Variants in LRP1B observed in about 807,000 individuals in gnomAD.
The protein encoded by LRP1B is low-density lipoprotein receptor-related protein 1B.
In LRP1B, 217 loss-of-function variants were observed where a neutral mutation model predicts 556.6. That is an observed-to-expected ratio of 0.39 (90% CI 0.35 to 0.44). The LOEUF (loss-of-function observed/expected upper bound fraction) is 0.44. Among genes scored for constraint, LRP1B ranks in the 20% least tolerant of loss-of-function variants. LRP1B has a pLI of 1.00. For missense variants in LRP1B, 5,053 were observed against 5,620.8 expected (o/e 0.90, Z 3.23); for synonymous variants, 2,047 against 1,865.8 (o/e 1.10, Z -2.50).
At chr2:141,256,749 T>C (rs1298554173) in intron 3 of LRP1B, among the ~76,000 whole-genome samples, 1 of 152,058 alleles carries the variant, frequency 6.6e-6, no homozygotes, top group East Asian at 1.9e-4. Context: ...TTGATTATGT[T>C]TAGCTTAAAA....
chr2:141,428,956 A>T (rs2104979992), intron 3 of LRP1B, among the ~76,000 whole-genome samples: 1 of 152,226 alleles, frequency 6.6e-6, no homozygotes, highest in Admixed American at 6.5e-5. Context: ...TTACTGATTC[A>T]TTTCCTAAAC....
chr2:141,712,236 A>G (rs1187629898), intron 2 of LRP1B, among the ~76,000 whole-genome samples: 1 of 152,196 alleles, frequency 6.6e-6, no homozygotes. Flanking sequence ...AGAAAAATTT[A>G]TGATCATTGG....
At chr2:141,145,401 A>G (rs1324680592) in intron 7 of LRP1B, among the ~76,000 whole-genome samples, 5 of 139,814 alleles carry the variant, frequency 3.6e-5, no homozygotes, top group Non-Finnish European at 6.1e-5. Flanking sequence ...ATTCGTATAG[A>G]TTACATTGCA....
At chr2:141,212,915 T>C (rs549396221) in intron 6 of LRP1B, among the ~76,000 whole-genome samples, 1 of 152,320 alleles carries the variant, frequency 6.6e-6, no homozygotes, top group South Asian at 2.1e-4. Context: ...TGCTATGGCA[T>C]ATTTCTGGTC....
intron 6 of LRP1B, among the ~76,000 whole-genome samples, chr2:141,194,673 T>C (rs1681672210): frequency 6.6e-6 from 1 of 152,104 alleles, no homozygotes; most frequent in Non-Finnish European, 1.5e-5. Context: ...GAAAACACTG[T>C]ATATCATTCG....
intron 1 of LRP1B, among the ~76,000 whole-genome samples, chr2:142,014,182 TAA>T (rs1559022171): frequency 9.9e-5 from 15 of 151,930 alleles, no homozygotes; most frequent in African/African-American, 3.4e-4. Context: ...TTCGCTTTCT[TAA>T]TAAACTTGTT....
intron 6 of LRP1B, among the ~76,000 whole-genome samples, chr2:141,203,448 A>C (rs571550602): frequency 6.6e-6 from 1 of 152,178 alleles, no homozygotes; most frequent in African/African-American, 2.4e-5. Flanking sequence ...AGGGCATTAC[A>C]TAATGGTAAA....
At chr2:140,481,441 G>A (rs1688235177) in intron 59 of LRP1B, among the ~76,000 whole-genome samples, 1 of 151,936 alleles carries the variant, frequency 6.6e-6, no homozygotes, top group Non-Finnish European at 1.5e-5. Flanking sequence ...GGTTAAATGT[G>A]CCTATCTAAA....
chr2:140,901,655 T>A (rs1319421664), intron 23 of LRP1B, among the ~76,000 whole-genome samples: 1 of 152,168 alleles, frequency 6.6e-6, no homozygotes, highest in Non-Finnish European at 1.5e-5. Context: ...ATTAGAAAAT[T>A]TTTTTAAAGT....
intron 79 of LRP1B, among the ~76,000 whole-genome samples, chr2:140,329,857 T>C (rs985383449): frequency 6.6e-6 from 1 of 151,154 alleles, no homozygotes; most frequent in African/African-American, 2.4e-5. Flanking sequence ...CCTGTTAAAC[T>C]ACCATTGACA....
At chr2:141,237,811 C>T (rs931035247) in intron 5 of LRP1B, among the ~76,000 whole-genome samples, 1 of 152,088 alleles carries the variant, frequency 6.6e-6, no homozygotes, top group African/African-American at 2.4e-5. Context: ...CACAATTTCC[C>T]TGTTTTGCAG....
At chr2:140,746,045 G>C (rs1039710959) in intron 35 of LRP1B, among the ~76,000 whole-genome samples, 1 of 145,530 alleles carries the variant, frequency 6.9e-6, no homozygotes, top group Non-Finnish European at 1.5e-5. Flanking sequence ...AATGAGGAAT[G>C]AGGATGAGGC....
intron 2 of LRP1B, among the ~76,000 whole-genome samples, chr2:141,601,398 A>G (rs908423045): frequency 5.9e-5 from 9 of 152,156 alleles, no homozygotes; most frequent in African/African-American, 1.9e-4. Context: ...CAACATATGA[A>G]TGCAGACAAA....
intron 25 of LRP1B, among the ~76,000 whole-genome samples, chr2:140,878,472 G>A (rs906371182): frequency 6.6e-6 from 1 of 152,000 alleles, no homozygotes; most frequent in Non-Finnish European, 1.5e-5. Flanking sequence ...AAAGCTGATA[G>A]GCTATTTAAA....
chr2:141,945,556 T>C (rs1000521107), intron 1 of LRP1B, among the ~76,000 whole-genome samples: 2 of 151,492 alleles, frequency 1.3e-5, no homozygotes, highest in Non-Finnish European at 2.9e-5. Context: ...TATATATATA[T>C]CTCCACAATT....
Position 141,344,874 on chromosome 2 carries a change from T to C in LRP1B, c.344-90233A>G, listed in dbSNP as rs1189114949. ...GTGGACAGAATAATGCCCTTCCCCC[T>C]CAAGATGCCCACATCTTAGTCCCTG... is the stretch of plus-strand genomic sequence containing the variant. On this transcript the variant is annotated intron_variant, in intron 3 of 90. Transcript: ENST00000389484. 5.9e-5 allele frequency among the ~76,000 whole-genome samples: 9 copies of C among 152,272 alleles called. No individual in the cohort carries two copies. In the South Asian group the frequency reaches 1.7e-3, roughly 28 times the overall value.
chr2:141,142,075 A>G (rs1701666838), intron 7 of LRP1B, among the ~76,000 whole-genome samples: 1 of 111,336 alleles, frequency 9.0e-6, no homozygotes, highest in Non-Finnish European at 1.8e-5. Context: ...AAAGGCATCA[A>G]CAATCTGGTA....
chr2:140,992,141 A>C (rs769258432), intron 16 of LRP1B, among the ~76,000 whole-genome samples: 1 of 151,856 alleles, frequency 6.6e-6, no homozygotes, highest in Non-Finnish European at 1.5e-5. Context: ...GAAAATTGAC[A>C]GGAAGTAAAC....
intron 7 of LRP1B, among the ~76,000 whole-genome samples, chr2:141,098,336 T>A (rs1363191464): frequency 6.6e-6 from 1 of 152,232 alleles, no homozygotes; most frequent in Non-Finnish European, 1.5e-5. Context: ...TACCCTGCAA[T>A]CATCTTTGTA....
Sources: gnomAD v4.1 joint callset for allele counts (sites outside exome capture counted in the v4.1 genomes callset) on GRCh38, gnomAD v4.1.1 for gene constraint, MANE v1.5 for transcripts, NCBI Gene and HGNC (gene_info 2026-07-23, HGNC 2026-07-21) for gene names.